The following PTPRG variants were observed in gnomAD, a reference collection of about 807,000 sequenced individuals.
PTPRG encodes the protein receptor-type tyrosine-protein phosphatase gamma.
Under a neutral mutation model 165.3 loss-of-function variants are expected in PTPRG, and 102 were observed. The observed-to-expected ratio is 0.62, with a 90% CI of 0.53 to 0.73. The LOEUF (loss-of-function observed/expected upper bound fraction) is 0.73. PTPRG is among the 30% of genes least tolerant of loss of function. The pLI is 0.00. For missense variants in PTPRG, 1,866 were observed against 1,861.4 expected (o/e 1.00, Z -0.05); for synonymous variants, 675 against 669.5 (o/e 1.01, Z -0.13).
intron 2 of PTPRG, among the ~76,000 whole-genome samples, chr3:61,778,915 A>C (rs994732892): frequency 7.9e-5 from 12 of 152,108 alleles, no homozygotes; most frequent in African/African-American, 2.7e-4. Context: ...GCAAAGTGAG[A>C]GAGAGAGGAA....
At chr3:61,875,139 C>T (rs2037698656) in intron 2 of PTPRG, among the ~76,000 whole-genome samples, 2 of 152,304 alleles carry the variant, frequency 1.3e-5, no homozygotes, top group South Asian at 2.1e-4. Flanking sequence ...TTTGATCCCT[C>T]TTCTCAGTTT....
intron 14 of PTPRG, among the ~76,000 whole-genome samples, chr3:62,242,590 T>C (rs1031167025): frequency 9.9e-5 from 15 of 152,224 alleles, no homozygotes; most frequent in Admixed American, 7.9e-4. Flanking sequence ...AAACCTGAGA[T>C]GGAAACATCT....
At chr3:62,078,461 C>G (rs2106753905) in intron 5 of PTPRG, among the ~76,000 whole-genome samples, 1 of 152,214 alleles carries the variant, frequency 6.6e-6, no homozygotes, top group South Asian at 2.1e-4. Context: ...ATGAATTACT[C>G]TGATTTTATT....
At chr3:62,126,607 C>T (rs947178070) in intron 5 of PTPRG, among the ~76,000 whole-genome samples, 4 of 152,204 alleles carry the variant, frequency 2.6e-5, no homozygotes, top group Admixed American at 1.3e-4. Context: ...CCTTTTGCTT[C>T]AGTCAGGGGC....
intron 2 of PTPRG, among the ~76,000 whole-genome samples, chr3:61,891,351 C>T (rs976353837): frequency 1.3e-5 from 2 of 152,112 alleles, no homozygotes; most frequent in African/African-American, 4.8e-5. Flanking sequence ...CTTTGTCATC[C>T]TCCATCCTAC....
chr3:62,119,015 G>A (rs975368712), intron 5 of PTPRG, among the ~76,000 whole-genome samples: 7 of 152,208 alleles, frequency 4.6e-5, no homozygotes, highest in African/African-American at 9.6e-5. Flanking sequence ...CACCAGCTCT[G>A]TATTGGCACT....
intron 2 of PTPRG, among the ~76,000 whole-genome samples, chr3:61,825,641 G>A (rs908966116): frequency 3.6e-5 from 5 of 140,636 alleles, no homozygotes; most frequent in South Asian, 2.4e-4. Context: ...GGCTTATTCC[G>A]TTTTCTTAGG....
intron 2 of PTPRG, among the ~76,000 whole-genome samples, chr3:61,850,456 C>T (rs2036934519): frequency 6.6e-6 from 1 of 152,162 alleles, no homozygotes; most frequent in Non-Finnish European, 1.5e-5. Flanking sequence ...CCGCTGTGCC[C>T]AATCCTTGTT....
At chr3:62,080,651 A>T (rs1474932149) in intron 5 of PTPRG, among the ~76,000 whole-genome samples, 2 of 152,188 alleles carry the variant, frequency 1.3e-5, no homozygotes, top group Admixed American at 6.5e-5. Context: ...AAAACTTTTT[A>T]ATGTTTTTAT....
chr3:61,590,765 A>G (rs1207859290), intron 1 of PTPRG, among the ~76,000 whole-genome samples: 1 of 152,056 alleles, frequency 6.6e-6, no homozygotes, highest in East Asian at 1.9e-4. Flanking sequence ...TTGATTGTTG[A>G]CCCCTAATAC....
At chr3:61,927,443 C>A (rs2039247961) in intron 2 of PTPRG, among the ~76,000 whole-genome samples, 1 of 152,102 alleles carries the variant, frequency 6.6e-6, no homozygotes, top group African/African-American at 2.4e-5. Flanking sequence ...GGAGATGGTC[C>A]CTGCCAGTTG....
At chr3:61,780,322 G>C (rs1404889806) in intron 2 of PTPRG, among the ~76,000 whole-genome samples, 1 of 152,140 alleles carries the variant, frequency 6.6e-6, no homozygotes, top group African/African-American at 2.4e-5. Flanking sequence ...TGAGTGGGGG[G>C]CAGGCAGCCA....
chr3:62,235,644 G>A (rs1701014944), intron 14 of PTPRG, among the ~76,000 whole-genome samples: 1 of 152,142 alleles, frequency 6.6e-6, no homozygotes, highest in Admixed American at 6.6e-5. Flanking sequence ...GTTAATTGCA[G>A]GCAATTTGAA....
rs2106902432 is a variant in PTPRG at position 62,224,344 on chromosome 3, C to A, written c.2288+5361C>A. Among the ~76,000 whole-genome samples the A allele has an allele frequency of 6.6e-6, 1 of 152,304 alleles. No individual in the cohort carries two copies. The highest frequency in any genetic ancestry group is 2.1e-4 in the South Asian group (1 of 4,820). ...CCACGTGAGGTCTGACAGGGTTGAGCCGCCCTCCTCCACCAGTGGTTTCTC... is the reference window on the plus strand; with the variant it reads ...CCACGTGAGGTCTGACAGGGTTGAGACGCCCTCCTCCACCAGTGGTTTCTC... On this transcript the variant is annotated intron_variant, in intron 13 of 29. Coordinates refer to ENST00000474889, the MANE Select transcript of PTPRG (RefSeq NM_002841.4). The surrounding 1 kb of genome is among the most constrained non-coding windows in gnomAD (Gnocchi z 4.9).
intron 2 of PTPRG, chr3:61,769,862 A>G (rs1210147250): frequency 2.0e-5 from 3 of 152,286 alleles, no homozygotes; most frequent in South Asian, 4.1e-4. Flanking sequence ...TTAGACAATC[A>G]GAAGTGTTTT....
At chr3:61,741,552 C>T (rs1475446352) in intron 1 of PTPRG, among the ~76,000 whole-genome samples, 1 of 152,214 alleles carries the variant, frequency 6.6e-6, no homozygotes, top group Non-Finnish European at 1.5e-5. Flanking sequence ...TTATGTGTTA[C>T]TACGCTGTTT....
rs145163359 is a variant in PTPRG at position 61,767,811 on chromosome 3, G to GA, written c.190+18839dup. 6.5e-3 allele frequency among the ~76,000 whole-genome samples: 963 copies of GA among 147,270 alleles called. 6 individuals are homozygous for GA. The highest frequency in any genetic ancestry group is 0.011 in the Admixed American group (168 of 14,736). On this transcript the variant is annotated intron_variant, in intron 2 of 29. Transcript: ENST00000474889. The stretch of plus-strand genomic sequence containing the variant: ...TAGTGGGATCCCGTTTGTACCAAAG[G>GA]AAAAAAAAAATAGCTGGATATGGTG...
At chr3:62,280,477 A>G (rs1317271028) in intron 26 of PTPRG, among the ~76,000 whole-genome samples, 1 of 152,060 alleles carries the variant, frequency 6.6e-6, no homozygotes, top group Non-Finnish European at 1.5e-5. Flanking sequence ...ATATGAAAAG[A>G]TGCTCAATCT....
chr3:61,815,358 T>C (rs74573498), intron 2 of PTPRG, among the ~76,000 whole-genome samples: 5,829 of 152,056 alleles, frequency 0.038, 382 homozygotes, highest in African/African-American at 0.13. Context: ...TGCAGTGACC[T>C]GACTGTCACA....
Sources: allele counts gnomAD v4.1 joint callset (sites outside exome capture counted in the v4.1 genomes callset), GRCh38; gene constraint gnomAD v4.1.1; non-coding constraint Gnocchi (gnomAD v3.1); transcripts MANE v1.5; gene names NCBI Gene and HGNC (gene_info 2026-07-23, HGNC 2026-07-21).